Variants in CLASP2 observed in about 807,000 individuals in gnomAD.
CLASP2 encodes the protein cytoplasmic linker associated protein 2, also known as CLIP-associating protein 2.
A neutral mutation model predicts 194.4 loss-of-function variants in CLASP2; 47 were observed. The observed-to-expected ratio is 0.24, with a 90% CI of 0.19 to 0.31. CLASP2 has a LOEUF of 0.31. Ranked by LOEUF, CLASP2 falls within the 10% of genes least tolerant of loss-of-function variation. CLASP2 has a pLI of 1.00. For missense variants in CLASP2, 1,445 were observed against 1,823.6 expected (o/e 0.79, Z 3.78); for synonymous variants, 619 against 633.5 (o/e 0.98, Z 0.34).
At chr3:33,539,304 T>A (rs1259389107) in intron 32 of CLASP2, among the ~76,000 whole-genome samples, 3 of 152,152 alleles carry the variant, frequency 2.0e-5, no homozygotes. Context: ...GAAAATTAGA[T>A]AAAATTTAAA....
At chr3:33,535,503 T>C in intron 33 of CLASP2, 42 bp from the exon 34 acceptor site, 1 of 1,441,878 alleles carries the variant, frequency 6.9e-7, no homozygotes, top group Non-Finnish European at 9.7e-7. Context: ...TAACTCATTT[T>C]TCAAGTATCT....
rs1487260841 is a variant in CLASP2, at chr3:33,560,917, C to A, written c.2821G>T (p.Asp941Tyr). ...AGTACAAACAACCAATCTTGAAGAT[C>A]ATCTTTGTGGACTTGTATGAAATCC... is the stretch of plus-strand genomic sequence containing the variant. Reference protein sequence around the residue: ...LVDFIQVHKDDLQDWLFVLLT... With the variant: ...LVDFIQVHKDYLQDWLFVLLT... The change falls in exon 28 of 39, where the codon GAT becomes TAT. Residue 941 changes from aspartate to tyrosine, a missense_variant. By Grantham distance (160) the Asp-to-Tyr change is radical (BLOSUM62 -3). This residue lies in a region of CLASP2 where 732 missense variants were observed against 987.9 expected (regional missense o/e 0.74). Transcript: ENST00000682230. 1.9e-6 allele frequency: 3 copies of A among 1,613,738 alleles called. No individual in the cohort carries two copies. The African/African-American group carries it at 4.0e-5, about 22-fold the overall frequency.
At chr3:33,706,294 G>A (rs2092681694) in intron 1 of CLASP2, among the ~76,000 whole-genome samples, 1 of 152,118 alleles carries the variant, frequency 6.6e-6, no homozygotes, top group Non-Finnish European at 1.5e-5. Flanking sequence ...GGAAAATAAA[G>A]TTTTAACGGT....
At chr3:33,606,227 T>C (rs974625468) in intron 16 of CLASP2, among the ~76,000 whole-genome samples, 1 of 152,096 alleles carries the variant, frequency 6.6e-6, no homozygotes, top group Non-Finnish European at 1.5e-5. Context: ...ACTAGTCACA[T>C]AGTGTTGTAG....
At chr3:33,600,683 A>G (rs1431567574) in intron 18 of CLASP2, among the ~76,000 whole-genome samples, 1 of 152,204 alleles carries the variant, frequency 6.6e-6, no homozygotes, top group African/African-American at 2.4e-5. Flanking sequence ...TGAAATTACT[A>G]CATACTATTT....
chr3:33,549,303 A>G (rs1248874185), intron 30 of CLASP2, among the ~76,000 whole-genome samples: 1 of 152,026 alleles, frequency 6.6e-6, no homozygotes. Context: ...CCAGTGTCTT[A>G]TGGTGGTGAA....
At chr3:33,509,374 C>T (rs1403326750) in intron 37 of CLASP2, among the ~76,000 whole-genome samples, 1 of 152,182 alleles carries the variant, frequency 6.6e-6, no homozygotes, top group African/African-American at 2.4e-5. Flanking sequence ...TGCCAACACA[C>T]CTGGCTAATT....
At chr3:33,618,017 C>A (rs944295037) in intron 12 of CLASP2, among the ~76,000 whole-genome samples, 1 of 149,134 alleles carries the variant, frequency 6.7e-6, no homozygotes, top group Admixed American at 6.7e-5. Context: ...GGTGCAATCT[C>A]GGCTCACAAC....
chr3:33,517,714 T>G (rs2051741499), intron 34 of CLASP2, among the ~76,000 whole-genome samples: 1 of 151,862 alleles, frequency 6.6e-6, no homozygotes, highest in African/African-American at 2.4e-5. Flanking sequence ...AAGGCTGGAG[T>G]GTAGTGGTGT....
intron 11 of CLASP2, among the ~76,000 whole-genome samples, chr3:33,620,563 G>C (rs2076944009): frequency 1.3e-5 from 2 of 152,158 alleles, no homozygotes; most frequent in Non-Finnish European, 2.9e-5. Flanking sequence ...TCCAATGTCT[G>C]AACTCACAGG....
At chr3:33,682,073 G>A (rs996905388) in intron 6 of CLASP2, among the ~76,000 whole-genome samples, 18 of 152,206 alleles carry the variant, frequency 1.2e-4, no homozygotes, top group Admixed American at 7.8e-4. Flanking sequence ...ATGCTGGCAC[G>A]GTGCTTCTTG....
In CLASP2 at chr3:33,672,104, A is replaced by C. The variant is rs542779197; in HGVS notation, c.645-8589T>G. Among the ~76,000 whole-genome samples, 4 of 152,330 alleles carry C rather than the reference A, an allele frequency of 2.6e-5. No individual in the cohort carries two copies. The East Asian group carries it at 5.8e-4, about 22-fold the overall frequency. ...TGAAGAGAGCAGTGGTTCTCCCAGC[A>C]GGCAGCTGGAGATCTGAGAACGGGC... On this transcript the variant is annotated intron_variant, in intron 6 of 38. Coordinates refer to ENST00000682230, the MANE Select transcript of CLASP2 (RefSeq NM_001365631.1).
chr3:33,548,974 T>C (rs531304046), intron 30 of CLASP2, among the ~76,000 whole-genome samples: 5 of 151,990 alleles, frequency 3.3e-5, no homozygotes, highest in Admixed American at 1.3e-4. Flanking sequence ...GGTCTTGTCA[T>C]ATTGCCCAGT....
At chr3:33,685,543 T>C (rs936137137) in intron 5 of CLASP2, among the ~76,000 whole-genome samples, 2 of 151,980 alleles carry the variant, frequency 1.3e-5, no homozygotes, top group Non-Finnish European at 2.9e-5. Context: ...CAGCCAAATG[T>C]GGAAACAACC....
intron 20 of CLASP2, among the ~76,000 whole-genome samples, chr3:33,593,297 G>C (rs189147082): frequency 2.6e-5 from 4 of 152,194 alleles, no homozygotes; most frequent in Non-Finnish European, 5.9e-5. Flanking sequence ...TTATTGGTGG[G>C]TACTTTGGTG....
intron 13 of CLASP2, 114 bp from the exon 14 acceptor site, chr3:33,608,740 ATATC>A: frequency 3.2e-6 from 1 of 313,150 alleles, no homozygotes; most frequent in Non-Finnish European, 6.1e-6. Context: ...ATGTTTTTAG[ATATC>A]TTTTTTTTTT....
chr3:33,549,600 C>A (rs1406917193), intron 30 of CLASP2, among the ~76,000 whole-genome samples: 1 of 152,120 alleles, frequency 6.6e-6, no homozygotes, highest in Non-Finnish European at 1.5e-5. Flanking sequence ...TTCATTCTAT[C>A]ATTTTAATCT....
At chr3:33,692,594 G>A (rs2091472019) in intron 2 of CLASP2, among the ~76,000 whole-genome samples, 1 of 152,064 alleles carries the variant, frequency 6.6e-6, no homozygotes, top group East Asian at 1.9e-4. Flanking sequence ...AAAATTCCCT[G>A]AACTTCAAAG....
chr3:33,645,950 AC>A (rs1276856271), intron 7 of CLASP2, among the ~76,000 whole-genome samples: 2 of 151,302 alleles, frequency 1.3e-5, no homozygotes, highest in Non-Finnish European at 3.0e-5. Context: ...ACACACACAC[AC>A]ACACACACAC....
Sources: gnomAD v4.1 joint callset for allele counts (sites outside exome capture counted in the v4.1 genomes callset) on GRCh38, gnomAD v4.1.1 for gene constraint, gnomAD v4.1.1 regional missense constraint, MANE v1.5 for transcripts, NCBI Gene and HGNC (gene_info 2026-07-23, HGNC 2026-07-21) for gene names.